ABTB2: variants seen among roughly 807,000 people sequenced by gnomAD.
The protein encoded by ABTB2 is ankyrin repeat and BTB/POZ domain-containing protein 2.
A neutral mutation model predicts 104.1 loss-of-function variants in ABTB2; 56 were observed. The observed-to-expected ratio is 0.54, with a 90% confidence interval of 0.43 to 0.67. ABTB2 has a LOEUF of 0.67. Among genes scored for constraint, ABTB2 ranks in the 30% least tolerant of loss-of-function variants. The pLI is 0.00. For missense variants in ABTB2, 1,279 were observed against 1,407.7 expected (o/e 0.91, Z 1.46); for synonymous variants, 606 against 608.2 (o/e 1.00, Z 0.05).
At chr11:34,193,010 G>T (rs1739763565) in intron 3 of ABTB2, among the ~76,000 whole-genome samples, 1 of 152,240 alleles carries the variant, frequency 6.6e-6, no homozygotes, top group Admixed American at 6.5e-5. Flanking sequence ...CCAGAAGGGT[G>T]ATGGCTGAGG....
chr11:34,189,059 C>G (rs1425397739), intron 3 of ABTB2: 8 of 152,182 alleles, frequency 5.3e-5, no homozygotes, highest in African/African-American at 1.9e-4. Flanking sequence ...GATCCTCATC[C>G]CACAGCGGCT....
chr11:34,166,324 C>T (rs1852799403), intron 7 of ABTB2, among the ~76,000 whole-genome samples: 1 of 152,254 alleles, frequency 6.6e-6, no homozygotes, highest in Non-Finnish European at 1.5e-5. Flanking sequence ...TCAGTCACTC[C>T]CTGTACCAGT....
chr11:34,223,272 C>T (rs1332629721), intron 1 of ABTB2, among the ~76,000 whole-genome samples: 3 of 152,254 alleles, frequency 2.0e-5, no homozygotes, highest in East Asian at 1.9e-4. Flanking sequence ...GAGGTGGCAA[C>T]GTCCCAAAGA....
intron 1 of ABTB2, among the ~76,000 whole-genome samples, chr11:34,323,032 G>C (rs1186611551): frequency 6.6e-6 from 1 of 151,986 alleles, no homozygotes; most frequent in Admixed American, 6.6e-5. Context: ...ACCTTAGCTC[G>C]AGTAGCTGGG....
At chr11:34,325,953 A>AAT (rs1855065100) in intron 1 of ABTB2, among the ~76,000 whole-genome samples, 1 of 45,904 alleles carries the variant, frequency 2.2e-5, no homozygotes, top group Admixed American at 2.1e-4. Context: ...AGTCTCAAAA[A>AAT]ATAAAATAAA....
At chr11:34,226,259 C>A in intron 1 of ABTB2, among the ~76,000 whole-genome samples, 1 of 147,404 alleles carries the variant, frequency 6.8e-6, no homozygotes, top group Non-Finnish European at 1.5e-5. Flanking sequence ...TTTATTGCCT[C>A]AAATAAACAT....
chr11:34,296,913 T>C (rs1590245678), intron 1 of ABTB2, among the ~76,000 whole-genome samples: 1 of 151,974 alleles, frequency 6.6e-6, no homozygotes. Context: ...AAGAAGAAAA[T>C]GTTTTGGTTT....
intron 1 of ABTB2, among the ~76,000 whole-genome samples, chr11:34,343,546 C>T (rs539508713): frequency 1.3e-5 from 2 of 152,198 alleles, no homozygotes; most frequent in African/African-American, 4.8e-5. Context: ...GTGATCTGCG[C>T]TCACTGCAAC....
rs1236150317 is a variant in ABTB2 at position 34,252,623 on chromosome 11, A to G, written c.884-47933T>C. Among the ~76,000 whole-genome samples the G allele has an allele frequency of 6.6e-6, 1 of 152,142 alleles. No individual in the cohort carries two copies. Among genetic ancestry groups the G allele is most frequent in the Non-Finnish European group, 1.5e-5 (1 of 68,008 alleles). On this transcript the variant is annotated intron_variant, in intron 1 of 16. Coordinates refer to ENST00000435224, the MANE Select transcript of ABTB2 (RefSeq NM_145804.3). This position sits in a 1 kb window ranked among gnomAD's most constrained non-coding sequence, Gnocchi z 5.5. ...GGGTGGGGCCAGGAGGGGGATTGGGAGACAGCCTCCTGGTCCTGGTCCAGC... is the reference window on the plus strand; with the variant it reads ...GGGTGGGGCCAGGAGGGGGATTGGGGGACAGCCTCCTGGTCCTGGTCCAGC...
Position 34,171,045 on chromosome 11 carries a change from C to T in ABTB2, c.1424G>A (p.Arg475Gln), listed in dbSNP as rs145573809. ...LKPEHCFSSF[R>Q]RLDARAATEK... ...AGTAGCTGCTCGGGCATCCAGCCTC[C>T]GGAAGGAACTGAAACAGTGTTCGGG... is the stretch of plus-strand genomic sequence containing the variant. Residue 475 changes from arginine to glutamine, a missense_variant, in exon 5 of 17, where the codon CGG becomes CAG. Physicochemically the swap from Arg to Gln is conservative, Grantham distance 43 (BLOSUM62 1). Transcript: ENST00000435224. 20 of 1,614,010 alleles carry T rather than the reference C, an allele frequency of 1.2e-5. No homozygotes were observed. The highest frequency in any genetic ancestry group is 4.4e-5 in the South Asian group (4 of 91,076).
Position 34,152,545 on chromosome 11 carries a change from A to G in ABTB2, c.2920T>C (p.Phe974Leu), listed in dbSNP as rs1852559192. The G allele has an allele frequency of 6.2e-7, 1 of 1,612,818 alleles. No individual in the cohort carries two copies. Among genetic ancestry groups the G allele is most frequent in the Non-Finnish European group, 8.5e-7 (1 of 1,179,804 alleles). Residue 974 changes from phenylalanine (F) to leucine (L), a missense_variant, in exon 17 of 17, where the codon TTC becomes CTC. By Grantham distance (22) the Phe-to-Leu change is conservative. Coordinates refer to ENST00000435224, the MANE Select transcript of ABTB2 (RefSeq NM_145804.3). ...APELALFCEG[F>L]FLKHMKALLE... is the part of the protein sequence containing the mutation. ...AGGGCCTTCATGTGCTTGAGGAAGA[A>G]GCCCTCACAGAACAGGGCCAGTTCT...
intron 1 of ABTB2, among the ~76,000 whole-genome samples, chr11:34,258,757 T>C (rs978877650): frequency 6.6e-6 from 1 of 151,966 alleles, no homozygotes; most frequent in African/African-American, 2.4e-5. Flanking sequence ...CCTGCCACCA[T>C]GCCCAGCTAA....
At chr11:34,258,801 A>G (rs974740140) in intron 1 of ABTB2, among the ~76,000 whole-genome samples, 3 of 151,798 alleles carry the variant, frequency 2.0e-5, no homozygotes, top group Non-Finnish European at 4.4e-5. Context: ...GGGTTTCACC[A>G]TGTTGGCCAG....
intron 5 of ABTB2, among the ~76,000 whole-genome samples, chr11:34,170,454 A>C (rs890432345): frequency 2.0e-5 from 3 of 152,226 alleles, no homozygotes; most frequent in Admixed American, 6.5e-5. Flanking sequence ...AGTCCTCAGC[A>C]CTTTAACATC....
chr11:34,264,475 T>G (rs1243202786), intron 1 of ABTB2, among the ~76,000 whole-genome samples: 2 of 152,248 alleles, frequency 1.3e-5, no homozygotes, highest in African/African-American at 4.8e-5. Flanking sequence ...CCATGGGAAT[T>G]TGCCCAGCTA....
chr11:34,291,275 G>C (rs1363768177), intron 1 of ABTB2, among the ~76,000 whole-genome samples: 1 of 152,206 alleles, frequency 6.6e-6, no homozygotes, highest in Non-Finnish European at 1.5e-5. Context: ...AAGTGGACCA[G>C]TTTTTGCTTC....
At chr11:34,332,745 G>C (rs1477849506) in intron 1 of ABTB2, among the ~76,000 whole-genome samples, 1 of 152,006 alleles carries the variant, frequency 6.6e-6, no homozygotes, top group Non-Finnish European at 1.5e-5. Context: ...TTGAAAAAGA[G>C]GCAAAGGCAG....
At chr11:34,246,847 CTTTT>C (rs199831054) in intron 1 of ABTB2, among the ~76,000 whole-genome samples, 4 of 118,280 alleles carry the variant, frequency 3.4e-5, no homozygotes, top group Non-Finnish European at 3.5e-5. Context: ...TTTCTTTTTT[CTTTT>C]TTTTTTTTTT....
At chr11:34,288,466 C>T (rs537982996) in intron 1 of ABTB2, among the ~76,000 whole-genome samples, 2 of 152,320 alleles carry the variant, frequency 1.3e-5, no homozygotes, top group South Asian at 2.1e-4. Flanking sequence ...TTTCCAATAG[C>T]TGGGTCCCCT....
Sources: allele counts gnomAD v4.1 joint callset (sites outside exome capture counted in the v4.1 genomes callset), GRCh38; gene constraint gnomAD v4.1.1; non-coding constraint Gnocchi (gnomAD v3.1); transcripts MANE v1.5; gene names NCBI Gene and HGNC (gene_info 2026-07-23, HGNC 2026-07-21).